The following TMEM232 variants were observed in gnomAD, a reference collection of about 807,000 sequenced individuals.
The protein encoded by TMEM232 is transmembrane protein 232.
TMEM232 carries 80 observed loss-of-function variants against 78.8 expected under a neutral mutation model. That is an observed-to-expected ratio of 1.01 (90% CI 0.85 to 1.22). The LOEUF (loss-of-function observed/expected upper bound fraction) is 1.22. Among genes scored for constraint, TMEM232 ranks in the 50% most tolerant of loss-of-function variants. TMEM232 has a pLI of 0.00. For missense variants in TMEM232, 881 were observed against 742.2 expected, an observed-to-expected ratio of 1.19 and a Z score of -2.17; for synonymous variants, 297 against 254.3, an observed-to-expected ratio of 1.17 and a Z score of -1.60.
intron 2 of TMEM232, among the ~76,000 whole-genome samples, chr5:110,651,802 A>G (rs1435397427): frequency 6.6e-6 from 1 of 151,898 alleles, no homozygotes; most frequent in Non-Finnish European, 1.5e-5. Flanking sequence ...ACATGAAGAA[A>G]CTGTGCTTCA....
chr5:110,583,944 C>T (rs1266568692), intron 10 of TMEM232, among the ~76,000 whole-genome samples: 1 of 134,384 alleles, frequency 7.4e-6, no homozygotes, highest in African/African-American at 2.8e-5. Flanking sequence ...TATCACTTCA[C>T]AACTGTTAGA....
intron 10 of TMEM232, among the ~76,000 whole-genome samples, chr5:110,583,317 T>C (rs1778417648): frequency 3.3e-5 from 5 of 152,018 alleles, no homozygotes; most frequent in African/African-American, 2.4e-5. Flanking sequence ...TGGAACAGAA[T>C]AGAGATCCCA....
chr5:110,448,951 G>A (rs1332221910), intron 12 of TMEM232, among the ~76,000 whole-genome samples: 1 of 151,868 alleles, frequency 6.6e-6, no homozygotes, highest in African/African-American at 2.4e-5. Flanking sequence ...TATAAAGTGT[G>A]ACTAAAACTG....
At chr5:110,588,659 G>C (rs1396297008) in intron 10 of TMEM232, among the ~76,000 whole-genome samples, 2 of 152,026 alleles carry the variant, frequency 1.3e-5, no homozygotes, top group Non-Finnish European at 2.9e-5. Flanking sequence ...GCCCAGGTTT[G>C]GAAAATATGG....
At chr5:110,737,416 G>C (rs748152230) in intron 1 of TMEM232, among the ~76,000 whole-genome samples, 3 of 152,068 alleles carry the variant, frequency 2.0e-5, no homozygotes, top group Non-Finnish European at 4.4e-5. Flanking sequence ...AGATTTTGGA[G>C]TCAAAAAATA....
At chr5:110,513,653 G>T (rs1768137697) in intron 12 of TMEM232, among the ~76,000 whole-genome samples, 1 of 152,030 alleles carries the variant, frequency 6.6e-6, no homozygotes, top group African/African-American at 2.4e-5. Context: ...ACTCATACTT[G>T]TCAAGATGCA....
At chr5:110,692,557 A>G (rs1190103598) in intron 1 of TMEM232, among the ~76,000 whole-genome samples, 2 of 152,210 alleles carry the variant, frequency 1.3e-5, no homozygotes, top group African/African-American at 4.8e-5. Flanking sequence ...CTAGGCAAAG[A>G]AAGGGGTGAC....
chr5:110,523,347 CTCTT>C (rs146449127), intron 12 of TMEM232, among the ~76,000 whole-genome samples: 6,782 of 152,072 alleles, frequency 0.045, 406 homozygotes, highest in African/African-American at 0.14. Flanking sequence ...TAACTTTTGA[CTCTT>C]TCTTTGTTTT....
chr5:110,554,580 G>A (rs1473488117), intron 11 of TMEM232, among the ~76,000 whole-genome samples: 1 of 152,060 alleles, frequency 6.6e-6, no homozygotes, highest in African/African-American at 2.4e-5. Flanking sequence ...AAGACTTTGG[G>A]TCAATGTTTA....
intron 3 of TMEM232, among the ~76,000 whole-genome samples, chr5:110,395,310 T>G (rs1755343597): frequency 6.6e-6 from 1 of 152,170 alleles, no homozygotes; most frequent in Non-Finnish European, 1.5e-5. Flanking sequence ...TTCAGGATTT[T>G]TACTGATCTT....
intron 5 of TMEM232, among the ~76,000 whole-genome samples, chr5:110,633,707 G>A (rs1205079349): frequency 6.6e-6 from 1 of 152,064 alleles, no homozygotes; most frequent in African/African-American, 2.4e-5. Flanking sequence ...AGGCCTCCCA[G>A]CCACGCAGAA....
intron 10 of TMEM232, among the ~76,000 whole-genome samples, chr5:110,596,406 T>C (rs1311272271): frequency 6.6e-6 from 1 of 152,142 alleles, no homozygotes; most frequent in Non-Finnish European, 1.5e-5. Context: ...CAGGACCAGA[T>C]GGATTCACAG....
chr5:110,609,378 A>G (rs1464815897), intron 8 of TMEM232, among the ~76,000 whole-genome samples: 1 of 152,122 alleles, frequency 6.6e-6, no homozygotes, highest in Non-Finnish European at 1.5e-5. Context: ...CAAAAAAAGT[A>G]AAAGAAAAAA....
At chr5:110,481,529 C>A (rs2149396515) in intron 12 of TMEM232, among the ~76,000 whole-genome samples, 1 of 152,234 alleles carries the variant, frequency 6.6e-6, no homozygotes, top group Non-Finnish European at 1.5e-5. Flanking sequence ...CCCCTCCGCA[C>A]ACACACATAA....
At chr5:110,565,246 T>G (rs1383612899) in intron 11 of TMEM232, among the ~76,000 whole-genome samples, 3 of 151,990 alleles carry the variant, frequency 2.0e-5, no homozygotes, top group Non-Finnish European at 4.4e-5. Flanking sequence ...TATCTCAGTA[T>G]ATTTTATTTA....
At chr5:110,441,168 G>C (rs1758997911) in intron 12 of TMEM232, among the ~76,000 whole-genome samples, 1 of 152,092 alleles carries the variant, frequency 6.6e-6, no homozygotes, top group African/African-American at 2.4e-5. Context: ...CTTAGATACT[G>C]CTTTGCTGTG....
chr5:110,624,331 C>A (rs938572562), intron 7 of TMEM232, among the ~76,000 whole-genome samples: 2 of 151,612 alleles, frequency 1.3e-5, no homozygotes, highest in Non-Finnish European at 2.9e-5. Context: ...TTATAACAAC[C>A]CTGTAAAAGA....
intron 12 of TMEM232, among the ~76,000 whole-genome samples, chr5:110,466,359 A>AT (rs1013961500): frequency 7.2e-5 from 11 of 152,286 alleles, no homozygotes; most frequent in Middle Eastern, 6.8e-3. Context: ...GGAGGAAATT[A>AT]TTTTTTTAAA....
At chr5:110,413,346 C>T (rs1345996521) in intron 2 of TMEM232, among the ~76,000 whole-genome samples, 3 of 152,142 alleles carry the variant, frequency 2.0e-5, no homozygotes, top group Non-Finnish European at 2.9e-5. Flanking sequence ...AGGCCTTCAG[C>T]CACAGACTGA....
Sources: allele counts gnomAD v4.1 joint callset (sites outside exome capture counted in the v4.1 genomes callset), GRCh38; gene constraint gnomAD v4.1.1; transcripts MANE v1.5; gene names NCBI Gene and HGNC (gene_info 2026-07-23, HGNC 2026-07-21).